Variants in FNDC3B observed in about 807,000 individuals in gnomAD.
The protein encoded by FNDC3B is fibronectin type III domain containing 3B, also known as fibronectin type III domain-containing protein 3B.
FNDC3B carries 12 observed loss-of-function variants against 151.5 expected under a neutral mutation model. That is an observed-to-expected ratio of 0.08 (90% CI 0.05 to 0.13). FNDC3B has a LOEUF of 0.13. Ranked by LOEUF, FNDC3B falls within the 10% of genes least tolerant of loss-of-function variation. The pLI, the probability that FNDC3B is intolerant of heterozygous loss-of-function variation, is 1.00. For synonymous variants in FNDC3B, 528 were observed against 549.0 expected (o/e 0.96, Z 0.54); for missense variants, 1,214 against 1,505.3 (o/e 0.81, Z 3.20).
At chr3:172,329,230 C>A in intron 12 of FNDC3B, 154 bp downstream of exon 12, 2 of 877,346 alleles carry the variant, frequency 2.3e-6, no homozygotes, top group Non-Finnish European at 3.5e-6. Context: ...GGAGAGAAGG[C>A]CTCCTTTAAG....
chr3:172,259,265 GTGGGGACCCC>G (rs1728521921), intron 6 of FNDC3B, among the ~76,000 whole-genome samples: 1 of 152,200 alleles, frequency 6.6e-6, no homozygotes, highest in African/African-American at 2.4e-5. Flanking sequence ...TCAAAGGACA[GTGGGGACCCC>G]TGGATTAGAA....
intron 11 of FNDC3B, among the ~76,000 whole-genome samples, chr3:172,324,906 T>C (rs1426983603): frequency 1.3e-5 from 2 of 152,376 alleles, no homozygotes; most frequent in South Asian, 2.1e-4. Context: ...TGACTGCTCA[T>C]GTGCTGCGAA....
intron 9 of FNDC3B, chr3:172,302,572 A>C (rs1284389291): frequency 6.6e-6 from 1 of 152,186 alleles, no homozygotes; most frequent in African/African-American, 2.4e-5. Flanking sequence ...TTCAGTCACT[A>C]TTCTTTTTTT....
At chr3:172,271,129 G>T (rs1033081918) in intron 6 of FNDC3B, among the ~76,000 whole-genome samples, 5 of 152,182 alleles carry the variant, frequency 3.3e-5, no homozygotes, top group African/African-American at 7.2e-5. Flanking sequence ...TTAGGTGTTT[G>T]TAGAGTTATT....
chr3:172,162,921 T>C (rs964089851), intron 3 of FNDC3B, among the ~76,000 whole-genome samples: 2 of 152,184 alleles, frequency 1.3e-5, no homozygotes, highest in African/African-American at 4.8e-5. Context: ...TCAAATCTAA[T>C]CTTTTAAATC....
Position 172,397,236 on chromosome 3 carries a change from T to C in FNDC3B, c.3376T>C (p.Cys1126Arg), listed in dbSNP as rs1401826156. The C allele has an allele frequency of 1.2e-6, 2 of 1,614,090 alleles. No individual in the cohort carries two copies. Among genetic ancestry groups the C allele is most frequent in the Admixed American group, 1.7e-5 (1 of 60,004 alleles). ...QTNTDYRFRV[C>R]ACRRCLDTSQ... ...CAACACAGACTACAGGTTCCGCGTA[T>C]GTGCGTGTCGTCGCTGTTTAGACAC... The change falls in exon 26 of 26, where the codon TGT becomes CGT. Residue 1126 changes from cysteine to arginine, a missense_variant. Physicochemically the swap from Cys to Arg is radical, Grantham distance 180. Around this residue, in one of 7 missense-constraint regions of FNDC3B, gnomAD observed 284 missense variants for 392.4 expected, o/e 0.72. Transcript: ENST00000415807.
chr3:172,042,903 C>G (rs1716160926), intron 1 of FNDC3B, among the ~76,000 whole-genome samples: 1 of 150,532 alleles, frequency 6.6e-6, no homozygotes, highest in South Asian at 2.1e-4. Flanking sequence ...GGCGCAATCT[C>G]GGCTCACTGC....
rs1432424314 is a variant in FNDC3B at position 172,330,684 on chromosome 3, C to T, written c.1523C>T (p.Thr508Ile). 6.2e-7 allele frequency: 1 copy of T among 1,613,636 alleles called. No homozygotes were observed. Among genetic ancestry groups the T allele is most frequent in the Admixed American group, 1.7e-5 (1 of 59,920 alleles). Residue 508 changes from threonine (T) to isoleucine (I), a missense_variant, in exon 13 of 26, where the codon ACC (threonine) becomes ATC (isoleucine). Physicochemically the swap from Thr to Ile is moderately conservative, Grantham distance 89 (BLOSUM62 -1). Transcript: ENST00000415807. ...PEGCSPEEVI[T>I]YTLEIQEDEN... ...GGCTGTTCACCCGAGGAAGTGATCA[C>T]CTACACCTTGGAAATTCAGGAGGAT...
At chr3:172,350,434 G>A (rs1000225694) in intron 21 of FNDC3B, among the ~76,000 whole-genome samples, 1 of 152,122 alleles carries the variant, frequency 6.6e-6, no homozygotes, top group African/African-American at 2.4e-5. Context: ...TGGGCTCCAT[G>A]ATATCCTATT....
chr3:172,288,481 C>T (rs1374614866), intron 7 of FNDC3B, among the ~76,000 whole-genome samples: 2 of 152,208 alleles, frequency 1.3e-5, no homozygotes, highest in East Asian at 1.9e-4. Context: ...TCCATATCAG[C>T]GTGGCTTAGA....
intron 3 of FNDC3B, among the ~76,000 whole-genome samples, chr3:172,185,553 TC>T (rs1159169356): frequency 6.6e-6 from 1 of 152,216 alleles, no homozygotes; most frequent in African/African-American, 2.4e-5. Context: ...TTGAGATAGT[TC>T]TTTTGCAGAG....
chr3:172,043,533 T>C (rs992563856), intron 1 of FNDC3B, among the ~76,000 whole-genome samples: 2 of 152,150 alleles, frequency 1.3e-5, no homozygotes, highest in Admixed American at 6.5e-5. Flanking sequence ...TATTATTGTT[T>C]TTTTGTAGAG....
chr3:172,362,710 C>T lies in FNDC3B; in HGVS notation c.2873C>T (p.Pro958Leu). Residue 958 changes from proline to leucine, a missense_variant, in exon 23 of 26, where the codon CCA becomes CTA. Pro to Leu is a moderately conservative substitution (Grantham distance 98, BLOSUM62 -3). This residue lies in a region of FNDC3B where 284 missense variants were observed against 392.4 expected (regional missense o/e 0.72). Transcript: ENST00000415807. ...QFIKAKTRPL[P>L]PLPPRLECAA... ...ATTAAAGCAAAAACTCGGCCATTAC[C>T]ACCCTTGCCTCCTAGGCTAGAATGT... The T allele has an allele frequency of 1.2e-6, 2 of 1,614,028 alleles. No homozygotes were observed. The highest frequency in any genetic ancestry group is 1.7e-6 in the Non-Finnish European group (2 of 1,179,978).
chr3:172,039,791 G>A lies in FNDC3B; in HGVS notation c.-29+20G>A, dbSNP rs1441551980. On this transcript the variant is annotated intron_variant, in intron 1 of 25. Transcript: ENST00000415807. ...GGGAAGGTAAGGCGTGCAAGAGCCGGGGACTAGAGGAGACCGGGACCCCGA... is the reference window on the plus strand; with the variant it reads ...GGGAAGGTAAGGCGTGCAAGAGCCGAGGACTAGAGGAGACCGGGACCCCGA... 1 of 153,054 alleles carries A rather than the reference G, an allele frequency of 6.5e-6. No individual in the cohort carries two copies. The highest frequency in any genetic ancestry group is 2.4e-5 in the African/African-American group (1 of 41,464). The allele number at this position is 153,054 out of a possible 1,614,324, so 9.5% of individuals were successfully genotyped here.
intron 1 of FNDC3B, among the ~76,000 whole-genome samples, chr3:172,055,509 C>T (rs1716870510): frequency 6.6e-6 from 1 of 152,062 alleles, no homozygotes; most frequent in South Asian, 2.1e-4. Flanking sequence ...TAAATTAGTT[C>T]AGTGTTCTCA....
chr3:172,050,199 A>G (rs1052816863), intron 1 of FNDC3B, among the ~76,000 whole-genome samples: 5 of 152,184 alleles, frequency 3.3e-5, no homozygotes, highest in African/African-American at 1.2e-4. Context: ...AAAAGTATGT[A>G]TACTCAAAAT....
At chr3:172,093,531 T>C (rs894954864) in intron 1 of FNDC3B, among the ~76,000 whole-genome samples, 2 of 152,196 alleles carry the variant, frequency 1.3e-5, no homozygotes, top group Non-Finnish European at 2.9e-5. Flanking sequence ...ATGCTGGGAT[T>C]ACAGGCGTGA....
Position 172,226,840 on chromosome 3 carries a change from C to T in FNDC3B, c.188-31C>T, listed in dbSNP as rs1421322174. 3 of 1,319,868 alleles carry T rather than the reference C, an allele frequency of 2.3e-6. No individual in the cohort carries two copies. The East Asian group carries it at 6.9e-5, about 30-fold the overall frequency. The allele number at this position is 1,319,868 out of a possible 1,614,324, so 81.8% of individuals were successfully genotyped here. A position where few individuals can be genotyped will look rare whatever the true frequency, so the allele number is the denominator to read the frequency against. The stretch of plus-strand genomic sequence containing the variant: ...TTATTTTGAATAATGTATGTTTCTT[C>T]AGCTATTAACATCTGACTCGTCTGT... On this transcript the variant is annotated intron_variant, in intron 3 of 25. Coordinates refer to ENST00000415807, the MANE Select transcript of FNDC3B (RefSeq NM_022763.4).
At chr3:172,205,314 C>T (rs1002242038) in intron 3 of FNDC3B, among the ~76,000 whole-genome samples, 1 of 152,102 alleles carries the variant, frequency 6.6e-6, no homozygotes, top group Non-Finnish European at 1.5e-5. Context: ...TAGGAGAGGG[C>T]CTGGCAACCA....
Sources: allele counts gnomAD v4.1 joint callset (sites outside exome capture counted in the v4.1 genomes callset), GRCh38; gene constraint gnomAD v4.1.1; regional missense constraint gnomAD v4.1.1; transcripts MANE v1.5; gene names NCBI Gene and HGNC (gene_info 2026-07-23, HGNC 2026-07-21).